Variants in DNM1L observed in about 807,000 individuals in gnomAD.
The protein encoded by DNM1L is dynamin-1-like protein.
A neutral mutation model predicts 92.8 loss-of-function variants in DNM1L; 33 were observed. The ratio of observed to expected loss-of-function variants is 0.36; its 90% CI spans 0.27 to 0.48. The LOEUF (loss-of-function observed/expected upper bound fraction) is 0.48, where lower values mean the gene tolerates loss of function less well. Among genes scored for constraint, DNM1L ranks in the 20% least tolerant of loss-of-function variants. The pLI is 0.99. For missense variants in DNM1L, 485 were observed against 888.8 expected (o/e 0.55, Z 5.78); for synonymous variants, 284 against 305.0 (o/e 0.93, Z 0.72).
intron 1 of DNM1L, 39 bp downstream of exon 1, chr12:32,679,504 G>C (rs1951718898): frequency 6.4e-7 from 1 of 1,573,666 alleles, no homozygotes; most frequent in Non-Finnish European, 8.7e-7. Flanking sequence ...GCCAGACCCC[G>C]GCCGCAGGCC....
Position 32,720,677 on chromosome 12 carries a change from A to G in DNM1L, c.754A>G (p.Ile252Val). 1.9e-6 allele frequency: 3 copies of G among 1,613,926 alleles called. No individual in the cohort carries two copies. The highest frequency in any genetic ancestry group is 2.2e-5 in the East Asian group (1 of 44,820). ...TTTCAACCTCAGGAGCCAGCTAGAT[A>G]TTAACAACAAGAAGAGTGTAACTGA... ...IGVVNRSQLD[I>V]NNKKSVTDSI... The change falls in exon 8 of 20, where the codon ATT becomes GTT. Residue 252 changes from isoleucine to valine, a missense_variant. Ile to Val is a conservative substitution (Grantham distance 29, BLOSUM62 3). Transcript: ENST00000549701.
intron 9 of DNM1L, chr12:32,728,436 C>G (rs1231369675): frequency 2.0e-5 from 3 of 152,126 alleles, no homozygotes; most frequent in Non-Finnish European, 4.4e-5. Context: ...AAAAGTATAA[C>G]TTTTATTTAA....
rs1008950275 is a variant in DNM1L at position 32,718,030 on chromosome 12, ATATAC to A, written c.620-607_620-603del. 1.5e-3 allele frequency among the ~76,000 whole-genome samples: 186 copies of A among 126,472 alleles called. 2 individuals carry two copies. The highest frequency in any genetic ancestry group is 5.4e-3 in the African/African-American group (178 of 33,250). The allele number at this position is 126,472 out of a possible 152,430, so 83.0% of individuals were successfully genotyped here. A position where few individuals can be genotyped will look rare whatever the true frequency, so the allele number is the denominator to read the frequency against. On this transcript the variant is annotated intron_variant, in intron 6 of 19. Transcript: ENST00000549701. Reference sequence around the variant, plus strand: ...TATATATAGTATATATATTATAAATATATACTATACATACTATATATACTATACAT... The same window carrying A: ...TATATATAGTATATATATTATAAATATATACATACTATATATACTATACAT...
chr12:32,718,054 TATAC>T (rs1277086827), intron 6 of DNM1L, among the ~76,000 whole-genome samples: 3 of 132,592 alleles, frequency 2.3e-5, no homozygotes, highest in African/African-American at 2.8e-5. Context: ...CTATATATAC[TATAC>T]ATATTTTATA....
intron 1 of DNM1L, among the ~76,000 whole-genome samples, chr12:32,691,245 G>A (rs1327889651): frequency 6.6e-6 from 1 of 152,044 alleles, no homozygotes; most frequent in East Asian, 1.9e-4. Flanking sequence ...CACCCCAGTA[G>A]CCTTGTTTTT....
At chr12:32,689,386 A>G (rs892906775) in intron 1 of DNM1L, among the ~76,000 whole-genome samples, 3 of 151,854 alleles carry the variant, frequency 2.0e-5, no homozygotes, top group African/African-American at 7.3e-5. Flanking sequence ...TAGTAGAGAC[A>G]AGGTTTCTCC....
chr12:32,708,297 G>A, intron 4 of DNM1L, 73 bp downstream of exon 4: 2 of 976,946 alleles, frequency 2.0e-6, no homozygotes, highest in East Asian at 2.4e-5. Context: ...TACATAATAT[G>A]TGAAGGGCAT....
chr12:32,736,834 C>A, intron 13 of DNM1L: 1 of 421,988 alleles, frequency 2.4e-6, no homozygotes, highest in Admixed American at 3.5e-5. Flanking sequence ...AGTCTGTTGC[C>A]CCTCATTTGA....
At chr12:32,679,963 T>G (rs977542) in intron 1 of DNM1L, 152,271 of 984,722 alleles carry the variant, frequency 0.15, 13,312 homozygotes, top group African/African-American at 0.37. Context: ...TTGGAATCGC[T>G]CTGTTGAGGC....
intron 9 of DNM1L, chr12:32,728,049 C>G (rs1954271052): frequency 6.6e-6 from 1 of 152,300 alleles, no homozygotes; most frequent in South Asian, 2.1e-4. Flanking sequence ...ATTATAGACT[C>G]ACAGGAAGTT....
chr12:32,724,205 G>T (rs1953953314), intron 9 of DNM1L, among the ~76,000 whole-genome samples: 1 of 152,050 alleles, frequency 6.6e-6, no homozygotes, highest in Non-Finnish European at 1.5e-5. Context: ...TATCCCTGTA[G>T]TATTTACTAC....
chr12:32,715,755 T>C (rs764156990), intron 6 of DNM1L, among the ~76,000 whole-genome samples: 4 of 152,064 alleles, frequency 2.6e-5, no homozygotes, highest in East Asian at 1.9e-4. Context: ...TGCTTGTAAC[T>C]GAAAAATACC....
At chr12:32,717,950 GTATATATAGTATATATAT>G (rs1248127661) in intron 6 of DNM1L, among the ~76,000 whole-genome samples, 2 of 84,556 alleles carry the variant, frequency 2.4e-5, no homozygotes, top group Non-Finnish European at 4.3e-5. Flanking sequence ...ATAAAATATA[GTATATATAGTATATATAT>G]TATATATAGT....
At chr12:32,707,993 A>T (rs1310751750) in intron 3 of DNM1L, among the ~76,000 whole-genome samples, 160 bp from the exon 4 acceptor site, 1 of 151,930 alleles carries the variant, frequency 6.6e-6, no homozygotes, top group Non-Finnish European at 1.5e-5. Context: ...TCATAAAAAA[A>T]CTATAAATCC....
In DNM1L at chr12:32,722,999, A is replaced by G. The variant is rs1953877614; in HGVS notation, c.1079+366A>G. 2.0e-5 allele frequency among the ~76,000 whole-genome samples: 3 copies of G among 152,182 alleles called. No homozygotes were observed. The Middle Eastern group carries it at 0.01, about 521-fold the overall frequency. ...TGCTCACAAAAATTAGAAAATGCAG[A>G]TAAGTAAAAATAAAACATAAAAACA... On this transcript the variant is annotated intron_variant, in intron 9 of 19. Coordinates refer to ENST00000549701, the MANE Select transcript of DNM1L (RefSeq NM_012062.5).
intron 6 of DNM1L, among the ~76,000 whole-genome samples, chr12:32,714,354 G>A (rs1333537214): frequency 6.7e-6 from 1 of 148,488 alleles, no homozygotes; most frequent in Non-Finnish European, 1.5e-5. Context: ...TTCACTGCAA[G>A]CTCTGCCTCC....
intron 1 of DNM1L, among the ~76,000 whole-genome samples, chr12:32,685,047 C>T (rs770236519): frequency 9.3e-5 from 14 of 150,838 alleles, no homozygotes; most frequent in African/African-American, 1.7e-4. Flanking sequence ...TTACGCCGTT[C>T]TCCTGCCTCA....
At chr12:32,707,235 A>G (rs1164724635) in intron 2 of DNM1L, 132 bp from the exon 3 acceptor site, 10 of 643,756 alleles carry the variant, frequency 1.6e-5, no homozygotes, top group South Asian at 1.5e-4. Context: ...ACCTTAAAAT[A>G]CTTGTTAACT....
chr12:32,719,806 CCT>C (rs1477149257), intron 7 of DNM1L, among the ~76,000 whole-genome samples: 1 of 152,110 alleles, frequency 6.6e-6, no homozygotes, highest in Non-Finnish European at 1.5e-5. Context: ...CACAGCATCC[CCT>C]GAGGTAGGTG....
Sources: gnomAD v4.1 joint callset for allele counts (sites outside exome capture counted in the v4.1 genomes callset) on GRCh38, gnomAD v4.1.1 for gene constraint, MANE v1.5 for transcripts, NCBI Gene and HGNC (gene_info 2026-07-23, HGNC 2026-07-21) for gene names.